FBXW2: variants seen among roughly 807,000 people sequenced by gnomAD.
The protein encoded by FBXW2 is F-box/WD repeat-containing protein 2.
In FBXW2, 12 loss-of-function variants were observed where a neutral mutation model predicts 46.0. The ratio of observed to expected loss-of-function variants is 0.26; its 90% confidence interval spans 0.17 to 0.42. The LOEUF is 0.42. Among genes scored for constraint, FBXW2 ranks in the 10% least tolerant of loss-of-function variants. The probability of loss-of-function intolerance (pLI) is 1.00; values close to 1 mark genes in which losing one functional copy is unlikely to be tolerated. For synonymous variants in FBXW2, 203 were observed against 209.6 expected, an observed-to-expected ratio of 0.97 and a Z score of 0.27; for missense variants, 360 against 537.0, an observed-to-expected ratio of 0.67 and a Z score of 3.26.
At chr9:120,777,813 G>C (rs370804444) in intron 4 of FBXW2, among the ~76,000 whole-genome samples, 5 of 146,400 alleles carry the variant, frequency 3.4e-5, no homozygotes, top group African/African-American at 1.3e-4. Flanking sequence ...ACATTTATTA[G>C]GAAACATTCA....
intron 7 of FBXW2, 73 bp downstream of exon 7, chr9:120,771,275 A>G: frequency 7.0e-7 from 1 of 1,426,914 alleles, no homozygotes; most frequent in Non-Finnish European, 9.5e-7. Flanking sequence ...ACATCCAAAC[A>G]TTTAGTCTTG....
At chr9:120,792,821 A>G (rs1367998136) in intron 2 of FBXW2, 2 of 1,300,282 alleles carry the variant, frequency 1.5e-6, no homozygotes, top group African/African-American at 3.0e-5. Context: ...AATGTCAGTT[A>G]CCATTATTAC....
chr9:120,759,300 TATAA>T lies in FBXW2; in HGVS notation c.*5255_*5258del, dbSNP rs1201883656. ...GAGGGAATCTGCTTTAATGTACAGATATAAATGATTTATAGTTAACACAATCACT... is the reference window on the plus strand; with the variant it reads ...GAGGGAATCTGCTTTAATGTACAGATATGATTTATAGTTAACACAATCACT... On this transcript the variant is annotated 3_prime_UTR_variant, in exon 8 of 8. Coordinates refer to ENST00000608872, the MANE Select transcript of FBXW2 (RefSeq NM_012164.4). 2.0e-5 allele frequency: 3 copies of T among 152,230 alleles called. No homozygotes were observed. Among genetic ancestry groups the T allele is most frequent in the African/African-American group, 7.2e-5 (3 of 41,458 alleles). 9.4% of individuals were successfully genotyped at this position (152,230 alleles called of 1,614,324 possible).
chr9:120,781,036 CAAA>C (rs776751730), intron 3 of FBXW2, among the ~76,000 whole-genome samples: 1 of 108,926 alleles, frequency 9.2e-6, no homozygotes. Flanking sequence ...AATATCATGG[CAAA>C]AAAAAAAAAA....
At chr9:120,786,933 A>G (rs953452445) in intron 3 of FBXW2, among the ~76,000 whole-genome samples, 1 of 152,208 alleles carries the variant, frequency 6.6e-6, no homozygotes, top group Non-Finnish European at 1.5e-5. Context: ...AAAAATATCC[A>G]GCTCTCTCTG....
chr9:120,787,686 A>T, intron 3 of FBXW2, 83 bp downstream of exon 3: 2 of 1,434,482 alleles, frequency 1.4e-6, no homozygotes, highest in Non-Finnish European at 1.9e-6. Context: ...AACACTTGTC[A>T]TTCTCAAAGC....
At chr9:120,782,399 A>G (rs1462586649) in intron 3 of FBXW2, among the ~76,000 whole-genome samples, 1 of 151,670 alleles carries the variant, frequency 6.6e-6, no homozygotes, top group Admixed American at 6.6e-5. Flanking sequence ...CTGGGAGGTG[A>G]GGTTGCAGTG....
rs187719494 is a variant in FBXW2 at position 120,782,350 on chromosome 9, C to T, written c.491-3805G>A. Reference sequence around the variant, plus strand: ...ACACGGTGGCGCATGCCTGTAATCCCAGCTACTCGGGAGGCTGAGGCAGGA... The same window carrying T: ...ACACGGTGGCGCATGCCTGTAATCCTAGCTACTCGGGAGGCTGAGGCAGGA... On this transcript the variant is annotated intron_variant, in intron 3 of 7. Coordinates refer to ENST00000608872, the MANE Select transcript of FBXW2 (RefSeq NM_012164.4). Among the ~76,000 whole-genome samples the T allele has an allele frequency of 9.4e-4, 143 of 152,100 alleles. 3 individuals carry two copies. The highest frequency in any genetic ancestry group is 3.2e-3 in the African/African-American group (133 of 41,496).
Position 120,787,936 on chromosome 9 carries a change from T to C in FBXW2, c.323A>G (p.Gln108Arg), listed in dbSNP as rs1450897429. ...WQTACKNLGW[Q>R]IDDSVQDALH... ...AGCGTCCTGAACAGAATCATCTATC[T>C]GCCAGCCCAAATTTTTACATGCAGT... The change falls in exon 3 of 8, where the codon CAG becomes CGG. Residue 108 changes from glutamine to arginine, a missense_variant. Transcript: ENST00000608872. 4.3e-6 allele frequency: 7 copies of C among 1,614,236 alleles called. No homozygotes were observed.
intron 2 of FBXW2, among the ~76,000 whole-genome samples, chr9:120,788,529 G>A (rs189261351): frequency 2.0e-4 from 31 of 152,266 alleles, no homozygotes; most frequent in East Asian, 3.9e-4. Context: ...ACAGACTGGC[G>A]TGTGTGACTT....
chr9:120,792,918 CAGT>C (rs1447946441), intron 2 of FBXW2: 1 of 1,529,160 alleles, frequency 6.5e-7, no homozygotes, highest in African/African-American at 1.4e-5. Flanking sequence ...AATTATGGCG[CAGT>C]ATAGCGCTTT....
intron 5 of FBXW2, among the ~76,000 whole-genome samples, chr9:120,775,679 A>C (rs1310436267): frequency 1.3e-5 from 2 of 152,122 alleles, no homozygotes; most frequent in African/African-American, 4.8e-5. Flanking sequence ...TGTAAGCGTT[A>C]TTTTTTCAAA....
At chr9:120,777,564 T>C (rs2044523433) in intron 4 of FBXW2, among the ~76,000 whole-genome samples, 1 of 152,126 alleles carries the variant, frequency 6.6e-6, no homozygotes, top group Admixed American at 6.5e-5. Flanking sequence ...TAAGGGAGTT[T>C]TGGAAGGCTG....
chr9:120,761,584 T>C lies in FBXW2; in HGVS notation c.*2975A>G, dbSNP rs915795416. Reference sequence around the variant, plus strand: ...ATTCTGACTCCCCACTTTGCTTTCTTTTGCAAAAAGGATGAGCTAGTTTTC... The same window carrying C: ...ATTCTGACTCCCCACTTTGCTTTCTCTTGCAAAAAGGATGAGCTAGTTTTC... On this transcript the variant is annotated 3_prime_UTR_variant, in exon 8 of 8. Transcript: ENST00000608872. 2 of 152,160 alleles carry C rather than the reference T, an allele frequency of 1.3e-5. No homozygotes were observed. Among genetic ancestry groups the C allele is most frequent in the African/African-American group, 4.8e-5 (2 of 41,440 alleles). The allele number at this position is 152,160 out of a possible 1,614,324, so 9.4% of individuals were successfully genotyped here. A position where few individuals can be genotyped will look rare whatever the true frequency, so the allele number is the denominator to read the frequency against.
intron 4 of FBXW2, among the ~76,000 whole-genome samples, chr9:120,777,420 G>A (rs1379470715): frequency 6.6e-6 from 1 of 152,226 alleles, no homozygotes; most frequent in Non-Finnish European, 1.5e-5. Flanking sequence ...AGTAACTCCA[G>A]TCACATGGGT....
intron 2 of FBXW2, chr9:120,792,805 A>T: frequency 8.4e-7 from 1 of 1,185,480 alleles, no homozygotes; most frequent in Non-Finnish European, 1.1e-6. Context: ...CTGTAAGCCT[A>T]CAGTAAATGT....
chr9:120,766,988 T>C (rs1319670936), intron 7 of FBXW2, among the ~76,000 whole-genome samples: 2 of 152,196 alleles, frequency 1.3e-5, no homozygotes, highest in Non-Finnish European at 2.9e-5. Context: ...TGCCAGAGTA[T>C]GTGAGAACAT....
chr9:120,770,583 T>A (rs555991188), intron 7 of FBXW2, among the ~76,000 whole-genome samples: 1 of 152,316 alleles, frequency 6.6e-6, no homozygotes, highest in South Asian at 2.1e-4. Flanking sequence ...TGCCAGGTGG[T>A]ATACTAGGTC....
chr9:120,763,522 G>A lies in FBXW2; in HGVS notation c.*1037C>T, dbSNP rs1280923491. 6 of 152,292 alleles carry A rather than the reference G, an allele frequency of 3.9e-5. 1 individual carries two copies. In the South Asian group the frequency reaches 6.2e-4, roughly 16 times the overall value. 9.4% of individuals were successfully genotyped at this position (152,292 alleles called of 1,614,324 possible). A position where few individuals can be genotyped will look rare whatever the true frequency, so the allele number is the denominator to read the frequency against. ...TCAACCAATTACTTAAACTGTCTAA[G>A]TGGAATCAGCTATATTTTCTACATT... On this transcript the variant is annotated 3_prime_UTR_variant, in exon 8 of 8. Transcript: ENST00000608872.
Sources: gnomAD v4.1 joint callset for allele counts (sites outside exome capture counted in the v4.1 genomes callset) on GRCh38, gnomAD v4.1.1 for gene constraint, MANE v1.5 for transcripts, NCBI Gene and HGNC (gene_info 2026-07-23, HGNC 2026-07-21) for gene names.